The following SLC7A8 variants were observed in gnomAD, a reference collection of about 807,000 sequenced individuals.
SLC7A8 encodes large neutral amino acids transporter small subunit 2.
A neutral mutation model predicts 51.2 loss-of-function variants in SLC7A8; 30 were observed. The observed-to-expected ratio is 0.59, with a 90% CI of 0.44 to 0.80. The LOEUF (loss-of-function observed/expected upper bound fraction) is 0.80, where lower values mean the gene tolerates loss of function less well. SLC7A8 is among the 30% of genes least tolerant of loss of function. The pLI is 0.00. For synonymous variants in SLC7A8, 257 were observed against 275.8 expected, an observed-to-expected ratio of 0.93 and a Z score of 0.67; for missense variants, 612 against 674.4, an observed-to-expected ratio of 0.91 and a Z score of 1.03.
At chr14:23,131,965 C>T (rs1395419539) in intron 7 of SLC7A8, among the ~76,000 whole-genome samples, 1 of 151,268 alleles carries the variant, frequency 6.6e-6, no homozygotes, top group East Asian at 1.9e-4. Flanking sequence ...TACACTGGGA[C>T]TGAACTGCAT....
At chr14:23,140,450 A>G in intron 5 of SLC7A8, 21 bp downstream of exon 5, 1 of 1,586,816 alleles carries the variant, frequency 6.3e-7, no homozygotes, top group Middle Eastern at 1.7e-4. Flanking sequence ...GAGAGGGAAT[A>G]GCCAGGCTCT....
At position 23,183,075 on chromosome 14, in the gene SLC7A8, A is replaced by C; in HGVS notation, c.-161T>G. ...AAGCAGATAAAAGAGAACACGAAAA[A>C]TATTCCTACTCCGCATTCACACTTT... On this transcript the variant is annotated 5_prime_UTR_variant, in exon 1 of 11. Coordinates refer to ENST00000316902, the MANE Select transcript of SLC7A8 (RefSeq NM_012244.4). 1.8e-6 allele frequency: 1 copy of C among 557,362 alleles called. No homozygotes were observed. The highest frequency in any genetic ancestry group is 2.4e-5 in the South Asian group (1 of 41,924). 34.5% of individuals were successfully genotyped at this position (557,362 alleles called of 1,614,324 possible). A position where few individuals can be genotyped will look rare whatever the true frequency, so the allele number is the denominator to read the frequency against.
chr14:23,137,770 C>T lies in SLC7A8; in HGVS notation c.1016+151G>A, dbSNP rs1226457929. The T allele has an allele frequency of 7.6e-6, 7 of 917,220 alleles. No individual in the cohort carries two copies. In the African/African-American group the frequency reaches 1.2e-4, roughly 15 times the overall value. The allele number at this position is 917,220 out of a possible 1,614,324, so 56.8% of individuals were successfully genotyped here. On this transcript the variant is annotated intron_variant, in intron 7 of 10. Coordinates refer to ENST00000316902, the MANE Select transcript of SLC7A8 (RefSeq NM_012244.4). ...ACTCCTCAGCATCCACACTGACACA[C>T]ACGCCCTCATGTGAGCAGTCACCCC...
chr14:23,141,536 G>A (rs1043401826), intron 4 of SLC7A8, among the ~76,000 whole-genome samples: 2 of 152,128 alleles, frequency 1.3e-5, no homozygotes, highest in African/African-American at 2.4e-5. Context: ...TGCAACCTCC[G>A]CCTCCCAGGT....
chr14:23,174,918 G>A (rs905936657), intron 1 of SLC7A8, among the ~76,000 whole-genome samples: 3 of 152,166 alleles, frequency 2.0e-5, no homozygotes, highest in Admixed American at 1.3e-4. Flanking sequence ...TCTGTAGTTT[G>A]GGATATACTC....
In SLC7A8 at chr14:23,128,296, A is replaced by G; in HGVS notation, c.1264-100T>C. 7.0e-6 allele frequency: 11 copies of G among 1,562,038 alleles called. No homozygotes were observed. The highest frequency in any genetic ancestry group is 9.5e-6 in the Non-Finnish European group (11 of 1,154,896). On this transcript the variant is annotated intron_variant, in intron 9 of 10. Transcript: ENST00000316902. This position sits in a 1 kb window ranked among gnomAD's most constrained non-coding sequence, Gnocchi z 4.3. ...CTCTCTTCTTCACCCACAGAGACAC[A>G]TCCTCAAGGGCAAAGGCTGGGCTTC...
At chr14:23,168,820 C>G (rs1476203042) in intron 1 of SLC7A8, among the ~76,000 whole-genome samples, 1 of 152,206 alleles carries the variant, frequency 6.6e-6, no homozygotes, top group East Asian at 1.9e-4. Context: ...TTCACTCTGA[C>G]ATTTCGAGTA....
chr14:23,146,340 G>A (rs529516291), intron 3 of SLC7A8, among the ~76,000 whole-genome samples: 1 of 152,310 alleles, frequency 6.6e-6, no homozygotes, highest in African/African-American at 2.4e-5. Flanking sequence ...AGTGCTTGAG[G>A]AAAATAAGGG....
At chr14:23,133,613 G>C (rs765501044) in intron 7 of SLC7A8, among the ~76,000 whole-genome samples, 273 of 152,162 alleles carry the variant, frequency 1.8e-3, no homozygotes, top group Non-Finnish European at 2.4e-3. Flanking sequence ...AATCACCTGA[G>C]GTCAGGAGTT....
At chr14:23,155,133 C>G in intron 3 of SLC7A8, 3 of 1,529,938 alleles carry the variant, frequency 2.0e-6, no homozygotes, top group Non-Finnish European at 2.6e-6. Context: ...AACATTTCCC[C>G]TTCTCCAGCC....
chr14:23,178,868 G>A (rs547389149), intron 1 of SLC7A8, among the ~76,000 whole-genome samples: 30 of 131,798 alleles, frequency 2.3e-4, no homozygotes, highest in African/African-American at 7.5e-4. Context: ...CTGGTTAACA[G>A]AGTGAGATCT....
At chr14:23,164,087 C>G (rs1594837461) in intron 3 of SLC7A8, among the ~76,000 whole-genome samples, 1 of 152,260 alleles carries the variant, frequency 6.6e-6, no homozygotes, top group East Asian at 1.9e-4. Flanking sequence ...ACCCTCCTAC[C>G]TCAGCCTCCC....
At chr14:23,167,062 T>A (rs1176000400) in intron 1 of SLC7A8, among the ~76,000 whole-genome samples, 1 of 152,194 alleles carries the variant, frequency 6.6e-6, no homozygotes, top group African/African-American at 2.4e-5. Flanking sequence ...TTGGACAGAT[T>A]GCGGTCATAC....
intron 3 of SLC7A8, chr14:23,155,059 G>C: frequency 7.1e-6 from 6 of 844,308 alleles, no homozygotes; most frequent in African/African-American, 1.8e-5. Flanking sequence ...TTTGATCCCA[G>C]CTTCTATAAA....
rs1257802973 is a variant in SLC7A8 at position 23,126,819 on chromosome 14, G to C, written c.*358C>G. Reference sequence around the variant, plus strand: ...CTCCTGTGGCCTCTCCTCTCTGAAGGGGCCTCCCTGGGAGGGAAGGCAGTA... The same window carrying C: ...CTCCTGTGGCCTCTCCTCTCTGAAGCGGCCTCCCTGGGAGGGAAGGCAGTA... On this transcript the variant is annotated 3_prime_UTR_variant, in exon 11 of 11. Transcript: ENST00000316902. The C allele has an allele frequency of 3.3e-6, 1 of 299,380 alleles. No individual in the cohort carries two copies. The highest frequency in any genetic ancestry group is 2.1e-5 in the African/African-American group (1 of 46,660). 18.5% of individuals were successfully genotyped at this position (299,380 alleles called of 1,614,324 possible).
chr14:23,150,564 C>A (rs1269663292), intron 3 of SLC7A8, among the ~76,000 whole-genome samples: 1 of 152,182 alleles, frequency 6.6e-6, no homozygotes, highest in African/African-American at 2.4e-5. Flanking sequence ...CTGAGCCTCC[C>A]TTTTCTCCAT....
intron 3 of SLC7A8, among the ~76,000 whole-genome samples, chr14:23,151,292 A>C (rs963348788): frequency 1.3e-5 from 2 of 152,202 alleles, no homozygotes; most frequent in Non-Finnish European, 2.9e-5. Context: ...TCTACACAGA[A>C]AATTCAAGGA....
At chr14:23,180,248 A>G (rs1344094741) in intron 1 of SLC7A8, among the ~76,000 whole-genome samples, 2 of 151,978 alleles carry the variant, frequency 1.3e-5, no homozygotes, top group Non-Finnish European at 2.9e-5. Flanking sequence ...CAGTGTTGAC[A>G]TTGGACACCA....
intron 3 of SLC7A8, 141 bp from the exon 4 acceptor site, chr14:23,143,345 G>C: frequency 8.5e-7 from 1 of 1,178,662 alleles, no homozygotes; most frequent in Admixed American, 2.4e-5. Flanking sequence ...CTCAACCCCA[G>C]GGACCAGAGA....
Sources: gnomAD v4.1 joint callset for allele counts (sites outside exome capture counted in the v4.1 genomes callset) on GRCh38, gnomAD v4.1.1 for gene constraint, Gnocchi (gnomAD v3.1) non-coding constraint, MANE v1.5 for transcripts, NCBI Gene and HGNC (gene_info 2026-07-23, HGNC 2026-07-21) for gene names.